Variants in STPG2 observed in about 807,000 individuals in gnomAD.
STPG2 encodes the protein sperm-tail PG-rich repeat-containing protein 2.
STPG2 carries 56 observed loss-of-function variants against 54.2 expected under a neutral mutation model. The observed-to-expected ratio is 1.03, with a 90% CI of 0.83 to 1.29. The LOEUF is 1.29. Ranked by LOEUF, STPG2 falls within the 50% of genes most tolerant of loss-of-function variation. The probability of loss-of-function intolerance (pLI) is 0.00; values close to 1 mark genes in which losing one functional copy is unlikely to be tolerated. For missense variants in STPG2, 596 were observed against 544.9 expected, an observed-to-expected ratio of 1.09 and a Z score of -0.93; for synonymous variants, 200 against 181.8, an observed-to-expected ratio of 1.10 and a Z score of -0.81.
At chr4:97,799,199 G>C in intron 9 of STPG2, among the ~76,000 whole-genome samples, 1 of 150,202 alleles carries the variant, frequency 6.7e-6, no homozygotes, top group Non-Finnish European at 1.5e-5. Flanking sequence ...GGTTAATATT[G>C]TTATGTGTGA....
At chr4:97,928,992 C>A (rs1046163748) in intron 8 of STPG2, among the ~76,000 whole-genome samples, 13 of 151,992 alleles carry the variant, frequency 8.6e-5, no homozygotes, top group African/African-American at 2.9e-4. Context: ...GGTATTAAGC[C>A]CAGTACCCAC....
At chr4:98,072,231 A>T (rs1738025968) in intron 5 of STPG2, among the ~76,000 whole-genome samples, 2 of 152,238 alleles carry the variant, frequency 1.3e-5, no homozygotes, top group South Asian at 4.1e-4. Flanking sequence ...ACACAGCCAT[A>T]AAAAGGAACA....
At chr4:97,835,238 C>G (rs1429340942) in intron 9 of STPG2, among the ~76,000 whole-genome samples, 1 of 152,100 alleles carries the variant, frequency 6.6e-6, no homozygotes, top group Non-Finnish European at 1.5e-5. Context: ...TGATACACTC[C>G]CACCAGTGCC....
intron 10 of STPG2, among the ~76,000 whole-genome samples, chr4:97,614,989 G>A (rs1359330244): frequency 6.6e-6 from 1 of 152,086 alleles, no homozygotes; most frequent in African/African-American, 2.4e-5. Flanking sequence ...TGCCACTACA[G>A]TTTTCAACTT....
chr4:98,087,248 G>C (rs918475743), intron 5 of STPG2, among the ~76,000 whole-genome samples: 1 of 152,026 alleles, frequency 6.6e-6, no homozygotes, highest in Non-Finnish European at 1.5e-5. Flanking sequence ...AACAACAAGA[G>C]AGTTCTGTAA....
intron 8 of STPG2, among the ~76,000 whole-genome samples, chr4:97,858,688 T>C (rs1278047464): frequency 6.6e-6 from 1 of 152,178 alleles, no homozygotes; most frequent in Non-Finnish European, 1.5e-5. Flanking sequence ...CCTAGAATAA[T>C]GATCACCAAC....
chr4:98,038,283 C>A (rs1250465845), intron 5 of STPG2, among the ~76,000 whole-genome samples: 1 of 151,894 alleles, frequency 6.6e-6, no homozygotes, highest in Non-Finnish European at 1.5e-5. Flanking sequence ...AAGGTGAGGG[C>A]AGTATAGGGG....
chr4:97,733,075 C>G (rs1724859301), intron 9 of STPG2, among the ~76,000 whole-genome samples: 1 of 152,002 alleles, frequency 6.6e-6, no homozygotes, highest in South Asian at 2.1e-4. Flanking sequence ...ATCCAGCAAT[C>G]CCACTACTGG....
intron 4 of STPG2, among the ~76,000 whole-genome samples, chr4:97,442,179 G>T (rs1729102973): frequency 6.6e-6 from 1 of 151,780 alleles, no homozygotes; most frequent in Non-Finnish European, 1.5e-5. Context: ...GAACTGCACA[G>T]AATTTTTTCT....
chr4:97,821,622 G>A (rs181923969), intron 9 of STPG2, among the ~76,000 whole-genome samples: 1 of 152,296 alleles, frequency 6.6e-6, no homozygotes, highest in East Asian at 1.9e-4. Context: ...TTCTGCCTGG[G>A]CACCCAGGTT....
chr4:98,077,013 G>A (rs942887967), intron 5 of STPG2, among the ~76,000 whole-genome samples: 3 of 151,300 alleles, frequency 2.0e-5, no homozygotes, highest in African/African-American at 2.4e-5. Context: ...TATCTTCAGC[G>A]ACCCCTCGAG....
intron 3 of STPG2, among the ~76,000 whole-genome samples, chr4:98,114,269 A>G (rs1739445015): frequency 6.6e-6 from 1 of 152,074 alleles, no homozygotes; most frequent in African/African-American, 2.4e-5. Context: ...TTTATGTTAG[A>G]GTTTATTTTT....
chr4:97,804,052 A>G (rs1417267762), intron 9 of STPG2, among the ~76,000 whole-genome samples: 2 of 152,096 alleles, frequency 1.3e-5, no homozygotes, highest in Non-Finnish European at 2.9e-5. Context: ...TGACACAATA[A>G]CAATACTGAT....
chr4:97,547,952 A>G (rs1731878226), intron 4 of STPG2, among the ~76,000 whole-genome samples: 1 of 152,112 alleles, frequency 6.6e-6, no homozygotes, highest in Admixed American at 6.5e-5. Flanking sequence ...GGAGTTCACG[A>G]CCAGCCTGAC....
chr4:97,997,458 G>A (rs1003197540), intron 5 of STPG2, among the ~76,000 whole-genome samples: 4 of 152,132 alleles, frequency 2.6e-5, no homozygotes, highest in African/African-American at 7.2e-5. Flanking sequence ...CAGATCTCAC[G>A]AGAACTCACC....
chr4:97,444,490 T>C (rs1729169267), intron 4 of STPG2, among the ~76,000 whole-genome samples: 1 of 152,154 alleles, frequency 6.6e-6, no homozygotes, highest in South Asian at 2.1e-4. Context: ...ATTTTGTAAA[T>C]GCTCAAAGAA....
At chr4:97,550,624 C>T (rs558740270) in intron 4 of STPG2, among the ~76,000 whole-genome samples, 24 of 152,144 alleles carry the variant, frequency 1.6e-4, no homozygotes, top group Middle Eastern at 3.4e-3. Flanking sequence ...TGGTTCCTTC[C>T]GGTGGGTTCT....
chr4:97,558,134 T>C (rs1732124672), downstream of STPG2, among the ~76,000 whole-genome samples: 1 of 152,192 alleles, frequency 6.6e-6, no homozygotes, highest in South Asian at 2.1e-4. Flanking sequence ...TATGATAAAA[T>C]ACACACAGTA....
chr4:97,855,097 G>A (rs938445590), intron 8 of STPG2, among the ~76,000 whole-genome samples: 2 of 151,984 alleles, frequency 1.3e-5, no homozygotes, highest in South Asian at 2.1e-4. Flanking sequence ...CCTTTTTATG[G>A]CTGCATTGTA....
Sources: allele counts gnomAD v4.1 joint callset (sites outside exome capture counted in the v4.1 genomes callset), GRCh38; gene constraint gnomAD v4.1.1; transcripts MANE v1.5; gene names NCBI Gene and HGNC (gene_info 2026-07-23, HGNC 2026-07-21).